Variants in FAT4 observed in about 807,000 individuals in gnomAD.
The protein encoded by FAT4 is FAT atypical cadherin 4, also known as protocadherin Fat 4.
FAT4 carries 84 observed loss-of-function variants against 303.9 expected under a neutral mutation model. That is an observed-to-expected ratio of 0.28 (90% CI 0.23 to 0.33). FAT4 has a LOEUF of 0.33. FAT4 is among the 10% of genes least tolerant of loss of function. The pLI is 1.00. For missense variants in FAT4, 6,005 were observed against 6,146.8 expected, an observed-to-expected ratio of 0.98 and a Z score of 0.77; for synonymous variants, 2,307 against 2,298.8, an observed-to-expected ratio of 1.00 and a Z score of -0.10.
At chr4:125,484,575 C>A (rs1013318768) in intron 16 of FAT4, among the ~76,000 whole-genome samples, 4 of 152,066 alleles carry the variant, frequency 2.6e-5, no homozygotes, top group Non-Finnish European at 5.9e-5. Flanking sequence ...TCATGAGTTG[C>A]ATAATGACAG....
intron 17 of FAT4, among the ~76,000 whole-genome samples, chr4:125,488,352 A>C (rs993993744): frequency 4.6e-5 from 7 of 152,184 alleles, no homozygotes; most frequent in African/African-American, 1.7e-4. Context: ...CTTTAATCAC[A>C]GTAGGATCAA....
chr4:125,486,245 T>A (rs919022572), intron 16 of FAT4, among the ~76,000 whole-genome samples: 1 of 151,890 alleles, frequency 6.6e-6, no homozygotes, highest in Non-Finnish European at 1.5e-5. Flanking sequence ...GTTATTGTCA[T>A]TTAGCTAGAA....
rs28679765 is a variant in FAT4, at chr4:125,436,783, G to A, written c.7199+2358G>A. On this transcript the variant is annotated intron_variant, in intron 8 of 17. Transcript: ENST00000394329. The stretch of plus-strand genomic sequence containing the variant: ...TCACTACCACAAGAACAGTATGCTC[G>A]AAGCTGCCCCCATGATTCAATTATC... 7.0e-3 allele frequency among the ~76,000 whole-genome samples: 1,072 copies of A among 152,170 alleles called. 17 individuals carry two copies. Among genetic ancestry groups the A allele is most frequent in the African/African-American group, 0.025 (1,030 of 41,514 alleles).
At chr4:125,362,036 A>G (rs17009538) in intron 2 of FAT4, among the ~76,000 whole-genome samples, 2,814 of 152,058 alleles carry the variant, frequency 0.019, 82 homozygotes, top group African/African-American at 0.064. Flanking sequence ...TCATTGAAAG[A>G]CCTTTGAAAT....
chr4:125,437,128 T>G (rs1186928003), intron 8 of FAT4, among the ~76,000 whole-genome samples: 2 of 151,986 alleles, frequency 1.3e-5, no homozygotes, highest in African/African-American at 4.8e-5. Flanking sequence ...GTGCTGGGAT[T>G]ACAGGCATGA....
At chr4:125,385,123 G>A (rs1437233152) in intron 2 of FAT4, among the ~76,000 whole-genome samples, 1 of 150,094 alleles carries the variant, frequency 6.7e-6, no homozygotes, top group Non-Finnish European at 1.5e-5. Flanking sequence ...CCGGGTTCAA[G>A]CAATTCTTCT....
chr4:125,420,466 C>G (rs1183817235), intron 7 of FAT4, among the ~76,000 whole-genome samples: 1 of 152,066 alleles, frequency 6.6e-6, no homozygotes, highest in Non-Finnish European at 1.5e-5. Context: ...ATTTAACATA[C>G]TTATATTTAG....
intron 2 of FAT4, among the ~76,000 whole-genome samples, chr4:125,356,548 TG>T (rs1257645583): frequency 4.2e-4 from 44 of 105,518 alleles, no homozygotes; most frequent in African/African-American, 1.3e-3. Context: ...TTTTGTTTTT[TG>T]TTTTTTTTTT....
rs1012262722 is a variant in FAT4, at chr4:125,434,484, A to G, written c.7199+59A>G. 6.5e-5 allele frequency: 93 copies of G among 1,432,602 alleles called. No homozygotes were observed. In the Admixed American group the frequency reaches 1.6e-3, roughly 25 times the overall value. 88.7% of individuals were successfully genotyped at this position (1,432,602 alleles called of 1,614,324 possible). ...TTTCTCATTAAACATTAGTTTTTGA[A>G]CTACATGAATATAATGTTTAATTTA... On this transcript the variant is annotated intron_variant, in intron 8 of 17. Coordinates refer to ENST00000394329, the MANE Select transcript of FAT4 (RefSeq NM_001291303.3).
chr4:125,490,657 C>A lies in FAT4; in HGVS notation c.13841C>A (p.Ser4614Tyr). The A allele has an allele frequency of 6.2e-7, 1 of 1,614,186 alleles. No homozygotes were observed. Among genetic ancestry groups the A allele is most frequent in the South Asian group, 1.1e-5 (1 of 91,080 alleles). The change falls in exon 18 of 18, where the codon TCT becomes TAT. Residue 4614 changes from serine (S) to tyrosine (Y), a missense_variant. Physicochemically the swap from Ser to Tyr is moderately radical, Grantham distance 144. Transcript: ENST00000394329. Reference protein sequence around the residue: ...SETIPSAPLASPEQEIEHYDI... With the variant: ...SETIPSAPLAYPEQEIEHYDI... The stretch of plus-strand genomic sequence containing the variant: ...ACCATCCCCAGCGCCCCTTTGGCAT[C>A]TCCAGAGCAGGAGATAGAGCACTAT...
intron 7 of FAT4, among the ~76,000 whole-genome samples, chr4:125,418,271 AT>A (rs998253163): frequency 2.0e-5 from 3 of 151,802 alleles, no homozygotes; most frequent in Middle Eastern, 3.2e-3. Context: ...TTTCCTTTGC[AT>A]TTTTTTTGAA....
At chr4:125,423,070 A>G (rs1182885282) in intron 7 of FAT4, among the ~76,000 whole-genome samples, 1 of 152,156 alleles carries the variant, frequency 6.6e-6, no homozygotes, top group Non-Finnish European at 1.5e-5. Context: ...TCTAAATGAC[A>G]AAGGATTTAA....
chr4:125,428,756 A>C (rs374873179), intron 7 of FAT4, among the ~76,000 whole-genome samples: 1 of 152,176 alleles, frequency 6.6e-6, no homozygotes, highest in Non-Finnish European at 1.5e-5. Context: ...ACTAATTGTA[A>C]TTAGGTTTTT....
chr4:125,441,351 A>C (rs1268789327), intron 8 of FAT4, among the ~76,000 whole-genome samples: 1 of 152,202 alleles, frequency 6.6e-6, no homozygotes, highest in Non-Finnish European at 1.5e-5. Flanking sequence ...AAGATATTCT[A>C]GGCAAAGACA....
rs79612741 is a variant in FAT4 at position 125,379,832 on chromosome 4, A to AC, written c.5176-18952_5176-18951insC. Among the ~76,000 whole-genome samples, 445 of 150,704 alleles carry AC rather than the reference A, an allele frequency of 3.0e-3. 2 individuals carry two copies. The highest frequency in any genetic ancestry group is 9.4e-3 in the African/African-American group (387 of 41,376). On this transcript the variant is annotated intron_variant, in intron 2 of 17. Transcript: ENST00000394329. ...ATACCTTGTATATTCTAAAAAAAAA[A>AC]ACACACACATATATATGTATACATA...
intron 2 of FAT4, among the ~76,000 whole-genome samples, chr4:125,375,999 T>G (rs1432110995): frequency 6.6e-6 from 1 of 152,224 alleles, no homozygotes; most frequent in East Asian, 1.9e-4. Flanking sequence ...CTAGAACCCA[T>G]GTAGTGTTGG....
At chr4:125,428,017 G>C (rs1301099422) in intron 7 of FAT4, among the ~76,000 whole-genome samples, 1 of 151,990 alleles carries the variant, frequency 6.6e-6, no homozygotes, top group East Asian at 1.9e-4. Context: ...TTAAGTTTTA[G>C]GCCAGGTGCG....
chr4:125,415,855 A>C, intron 6 of FAT4, 49 bp downstream of exon 6: 1 of 1,402,812 alleles, frequency 7.1e-7, no homozygotes, highest in South Asian at 1.3e-5. Flanking sequence ...TAAGACATCT[A>C]TTTGAAAACC....
chr4:125,464,778 T>A (rs1344222583), intron 11 of FAT4, among the ~76,000 whole-genome samples: 1 of 152,158 alleles, frequency 6.6e-6, no homozygotes, highest in East Asian at 1.9e-4. Context: ...TTTGGTTTTT[T>A]GTCCTTGCGA....
Sources: allele counts gnomAD v4.1 joint callset (sites outside exome capture counted in the v4.1 genomes callset), GRCh38; gene constraint gnomAD v4.1.1; transcripts MANE v1.5; gene names NCBI Gene and HGNC (gene_info 2026-07-23, HGNC 2026-07-21).